WWC1: variants seen among roughly 807,000 people sequenced by gnomAD.
WWC1 encodes the protein protein KIBRA.
WWC1 carries 55 observed loss-of-function variants against 138.4 expected under a neutral mutation model. The observed-to-expected ratio is 0.40, with a 90% CI of 0.32 to 0.50. The LOEUF (loss-of-function observed/expected upper bound fraction) is 0.50. Ranked by LOEUF, WWC1 falls within the 20% of genes least tolerant of loss-of-function variation. The pLI is 0.72. For synonymous variants in WWC1, 524 were observed against 564.9 expected (o/e 0.93, Z 1.03); for missense variants, 1,226 against 1,420.4 (o/e 0.86, Z 2.20).
chr5:168,376,286 G>A (rs981613099), intron 2 of WWC1, among the ~76,000 whole-genome samples: 34 of 142,098 alleles, frequency 2.4e-4, no homozygotes, highest in African/African-American at 7.9e-4. Flanking sequence ...ACTCCTGACC[G>A]CAGGTGATCC....
rs1056363715 is a variant in WWC1 at position 168,434,374 on chromosome 5, C to G, written c.2280+2930C>G. ...GGAAGTGAGATGGGAGGAAAAAGGC[C>G]TGTCCTCTCCCACGCAGAGACTCCG... is the stretch of plus-strand genomic sequence containing the variant. On this transcript the variant is annotated intron_variant, in intron 15 of 22. Transcript: ENST00000265293. 5.3e-5 allele frequency among the ~76,000 whole-genome samples: 8 copies of G among 152,258 alleles called. No individual in the cohort carries two copies. The East Asian group carries it at 1.5e-3, about 29-fold the overall frequency.
intron 1 of WWC1, among the ~76,000 whole-genome samples, chr5:168,344,706 G>C (rs1774328876): frequency 6.6e-6 from 1 of 152,166 alleles, no homozygotes; most frequent in African/African-American, 2.4e-5. Context: ...AGGAAGCAGG[G>C]GCTGCTTGAC....
chr5:168,454,989 T>C lies in WWC1; in HGVS notation c.2659-367T>C, dbSNP rs1166737266. Among the ~76,000 whole-genome samples, 5 of 152,322 alleles carry C rather than the reference T, an allele frequency of 3.3e-5. No homozygotes were observed. The East Asian group carries it at 9.6e-4, about 29-fold the overall frequency. On this transcript the variant is annotated intron_variant, in intron 18 of 22. Transcript: ENST00000265293. ...GCCAGGGCTGTGGAAGCCTTGGGTG[T>C]GGTTTTTCAAAATGTACTTGGTTTG...
chr5:168,300,956 G>A (rs1282350950), intron 1 of WWC1, among the ~76,000 whole-genome samples: 2 of 152,232 alleles, frequency 1.3e-5, no homozygotes, highest in Non-Finnish European at 2.9e-5. Context: ...GAGTCGGGCT[G>A]TGAGCATTTC....
intron 1 of WWC1, among the ~76,000 whole-genome samples, chr5:168,313,814 A>G (rs17775705): frequency 0.35 from 52,887 of 152,098 alleles, 9,601 homozygotes; most frequent in Admixed American, 0.41. Context: ...ATCAATAAAC[A>G]GTGGACTTTT....
intron 20 of WWC1, among the ~76,000 whole-genome samples, chr5:168,463,648 A>T (rs533544526): frequency 1.6e-4 from 25 of 152,340 alleles, no homozygotes; most frequent in Non-Finnish European, 2.4e-4. Context: ...GAGGAGAGTT[A>T]ATGATTGTAT....
intron 8 of WWC1, among the ~76,000 whole-genome samples, chr5:168,411,012 G>A (rs1472647609): frequency 2.2e-5 from 3 of 136,606 alleles, no homozygotes; most frequent in East Asian, 4.8e-4. Context: ...TGCAAGCTCC[G>A]CCTCCCGGGT....
At chr5:168,336,299 G>A (rs1297804091) in intron 1 of WWC1, among the ~76,000 whole-genome samples, 4 of 152,056 alleles carry the variant, frequency 2.6e-5, no homozygotes, top group Non-Finnish European at 5.9e-5. Flanking sequence ...GGCCAGCCAC[G>A]GTGGCTCACG....
At chr5:168,412,242 C>G (rs998376) in intron 8 of WWC1, 106,214 of 964,156 alleles carry the variant, frequency 0.11, 6,106 homozygotes, top group Non-Finnish European at 0.11. Flanking sequence ...CTTGCTTGCC[C>G]CTCCACCCGA....
chr5:168,452,783 TCCTC>T (rs1755949630), intron 17 of WWC1, among the ~76,000 whole-genome samples: 2 of 151,974 alleles, frequency 1.3e-5, no homozygotes, highest in Non-Finnish European at 2.9e-5. Context: ...CTCCTCCTCC[TCCTC>T]TTCTTCCTCA....
At chr5:168,297,530 G>T (rs902938440) in intron 1 of WWC1, among the ~76,000 whole-genome samples, 3 of 151,752 alleles carry the variant, frequency 2.0e-5, no homozygotes, top group Admixed American at 1.3e-4. Context: ...GGAGGCTGAG[G>T]CAGGAGAATC....
intron 3 of WWC1, among the ~76,000 whole-genome samples, chr5:168,385,758 A>C (rs1234793795): frequency 6.6e-6 from 1 of 152,222 alleles, no homozygotes; most frequent in Non-Finnish European, 1.5e-5. Flanking sequence ...CTAGAGGTGG[A>C]TGGTAGTATG....
At chr5:168,299,095 G>C (rs1299765847) in intron 1 of WWC1, among the ~76,000 whole-genome samples, 1 of 152,064 alleles carries the variant, frequency 6.6e-6, no homozygotes, top group Non-Finnish European at 1.5e-5. Context: ...CAAAAAAAAA[G>C]GTTTAGTAAC....
At chr5:168,392,743 C>T (rs1387377651) in intron 3 of WWC1, among the ~76,000 whole-genome samples, 2 of 152,170 alleles carry the variant, frequency 1.3e-5, no homozygotes, top group Non-Finnish European at 2.9e-5. Context: ...CTGTGCAACT[C>T]ACAGTCCACA....
Position 168,460,652 on chromosome 5 carries a change from G to A in WWC1, c.2826G>A (p.Leu942=), listed in dbSNP as rs771762858. Residue 942 remains leucine (L), a splice_region_variant and synonymous_variant, in exon 20 of 23, where the codon CTG becomes CTA. Coordinates refer to ENST00000265293, the MANE Select transcript of WWC1 (RefSeq NM_015238.3). Reference sequence around the variant, plus strand: ...ATTCCATGACTTTTCTCTTGCAGCTGAATCGGAGTGATAGTGACAGCTCCA... The same window carrying A: ...ATTCCATGACTTTTCTCTTGCAGCTAAATCGGAGTGATAGTGACAGCTCCA... The part of the protein sequence containing the change: ...PGPQSQYVCR[L]NRSDSDSSTL... 7.4e-6 allele frequency: 12 copies of A among 1,614,002 alleles called. No individual in the cohort carries two copies. Among genetic ancestry groups the A allele is most frequent in the Non-Finnish European group, 1.0e-5 (12 of 1,179,938 alleles).
intron 5 of WWC1, among the ~76,000 whole-genome samples, chr5:168,403,070 C>CTTTCTTTCT (rs1554104764): frequency 8.6e-4 from 75 of 86,884 alleles, no homozygotes; most frequent in African/African-American, 2.0e-3. Context: ...TTCTTTCTTT[C>CTTTCTTTCT]TTTCTTTCTT....
intron 1 of WWC1, among the ~76,000 whole-genome samples, chr5:168,315,798 C>T (rs1332956685): frequency 1.3e-5 from 2 of 152,128 alleles, no homozygotes; most frequent in African/African-American, 4.8e-5. Flanking sequence ...TGACTCCTCT[C>T]CTGGTGAGTC....
chr5:168,391,773 A>AT (rs1230518086), intron 3 of WWC1, among the ~76,000 whole-genome samples: 7 of 139,446 alleles, frequency 5.0e-5, no homozygotes, highest in African/African-American at 1.3e-4. Context: ...ATATATATAT[A>AT]TATATATATA....
chr5:168,367,740 G>A (rs1201581618), intron 1 of WWC1, among the ~76,000 whole-genome samples: 1 of 152,156 alleles, frequency 6.6e-6, no homozygotes, highest in Non-Finnish European at 1.5e-5. Context: ...TTGCAAAACA[G>A]AGTAAGAGCA....
Sources: allele counts gnomAD v4.1 joint callset (sites outside exome capture counted in the v4.1 genomes callset), GRCh38; gene constraint gnomAD v4.1.1; transcripts MANE v1.5; gene names NCBI Gene and HGNC (gene_info 2026-07-23, HGNC 2026-07-21).